Variants in LAMB2 observed in about 807,000 individuals in gnomAD.
LAMB2 encodes laminin subunit beta-2.
LAMB2 carries 119 observed loss-of-function variants against 202.7 expected under a neutral mutation model. The observed-to-expected ratio is 0.59, with a 90% CI of 0.51 to 0.68. LAMB2 has a LOEUF of 0.68. LAMB2 is among the 30% of genes least tolerant of loss of function. The pLI, the probability that LAMB2 is intolerant of heterozygous loss-of-function variation, is 0.00. For missense variants in LAMB2, 2,124 were observed against 2,410.6 expected (o/e 0.88, Z 2.49); for synonymous variants, 818 against 902.2 (o/e 0.91, Z 1.67).
chr3:49,122,189 C>T lies in LAMB2; in HGVS notation c.4755G>A (p.Gln1585=), dbSNP rs2045309996. The T allele has an allele frequency of 4.3e-6, 7 of 1,613,410 alleles. No individual in the cohort carries two copies. The Admixed American group carries it at 8.3e-5, about 19-fold the overall frequency. Residue 1585 remains glutamine (Q), a synonymous_variant, in exon 28 of 32, where the codon CAG becomes CAA. Transcript: ENST00000305544. ...TTGCCCGCCGTGCATCCTGCAGTAG[C>T]TGCTCGGCACGACGCACATCTCCTA... is the stretch of plus-strand genomic sequence containing the variant. ...RTVGDVRRAE[Q]LLQDARRARS...
At chr3:49,121,892 C>A in intron 29 of LAMB2, 32 bp from the exon 30 acceptor site, 1 of 1,613,664 alleles carries the variant, frequency 6.2e-7, no homozygotes. Flanking sequence ...TTACACAGAT[C>A]TACGGTTCAT....
rs771880479 is a variant in LAMB2, at chr3:49,132,856, G to A, written c.12C>T (p.Thr4=). 3 of 1,614,090 alleles carry A rather than the reference G, an allele frequency of 1.9e-6. No individual in the cohort carries two copies. The highest frequency in any genetic ancestry group is 2.5e-6 in the Non-Finnish European group (3 of 1,179,998). The change falls in exon 1 of 32, where the codon ACC becomes ACT. Residue 4 remains threonine (T), a synonymous_variant. Transcript: ENST00000305544. This position sits in a 1 kb window ranked among gnomAD's most constrained non-coding sequence, Gnocchi z 4.6. ...GCTGTCCCCTCCCTCTTTCCCTTGA[G>A]GTCAGCTCCATCCTGAAGAGGGGAA... The part of the protein sequence containing the change: MEL[T]SRERGRGQPL...
In LAMB2 at chr3:49,130,634, G is replaced by T; in HGVS notation, c.1036+106C>A. ...GGGCATCAAGGTCTGCATACTCTTT[G>T]GATACAGCCTGGGTTTTAGGGGCTT... is the stretch of plus-strand genomic sequence containing the variant. On this transcript the variant is annotated intron_variant, in intron 8 of 31. Transcript: ENST00000305544. This position sits in a 1 kb window ranked among gnomAD's most constrained non-coding sequence, Gnocchi z 5.0. 1.3e-6 allele frequency: 2 copies of T among 1,551,702 alleles called. No homozygotes were observed. The highest frequency in any genetic ancestry group is 1.8e-6 in the Non-Finnish European group (2 of 1,133,046).
Position 49,132,454 on chromosome 3 carries a change from A to G in LAMB2, c.249+37T>C, listed in dbSNP as rs1292485811. ...CAGTGCCTCAGGCAGTGCCAGCCCC[A>G]CCCTGACTCGGCGTCACACCCTGTC... On this transcript the variant is annotated intron_variant, in intron 2 of 31. Coordinates refer to ENST00000305544, the MANE Select transcript of LAMB2 (RefSeq NM_002292.4). This position sits in a 1 kb window ranked among gnomAD's most constrained non-coding sequence, Gnocchi z 4.6. 6.2e-7 allele frequency: 1 copy of G among 1,614,044 alleles called. No homozygotes were observed. The highest frequency in any genetic ancestry group is 1.1e-5 in the South Asian group (1 of 91,086).
chr3:49,124,084 A>C lies in LAMB2; in HGVS notation c.3441T>G (p.Ser1147=), dbSNP rs1323520769. The C allele has an allele frequency of 1.2e-6, 2 of 1,613,920 alleles. No individual in the cohort carries two copies. Among genetic ancestry groups the C allele is most frequent in the African/African-American group, 2.7e-5 (2 of 74,922 alleles). Residue 1147 remains serine (S), a synonymous_variant, in exon 24 of 32, where the codon TCT becomes TCG. Transcript: ENST00000305544. ...GLQCHACDCD[S]RGIDTPQCHR... ...GACACTGAGGTGTATCTATTCCACG[A>C]GAGTCACAATCACAGGCTGCAAGAA... is the stretch of plus-strand genomic sequence containing the variant.
At position 49,125,359 on chromosome 3, in the gene LAMB2, G is replaced by C. The variant is rs748986423; in HGVS notation, c.2614C>G (p.Pro872Ala). 1 of 1,614,048 alleles carries C rather than the reference G, an allele frequency of 6.2e-7. No homozygotes were observed. The highest frequency in any genetic ancestry group is 1.7e-5 in the Admixed American group (1 of 60,026). Residue 872 changes from proline to alanine, a missense_variant, in exon 19 of 32, where the codon CCT becomes GCT. This residue lies in a region of LAMB2 where 1,702 missense variants were observed against 1,896.3 expected (regional missense o/e 0.90). Coordinates refer to ENST00000305544, the MANE Select transcript of LAMB2 (RefSeq NM_002292.4). ...TTGCAGACACATGGCCGGCAGCTAG[G>C]GAATCCCCACTGGCCACGCTGGCAG... is the stretch of plus-strand genomic sequence containing the variant. ...DRCQRGQWGF[P>A]SCRPCVCNGH...
At position 49,128,505 on chromosome 3, in the gene LAMB2, C is replaced by T. The variant is rs777566654; in HGVS notation, c.1971G>A (p.Leu657=). ...PVPAHSLCGH[L]VPKDDRIQGT... ...CTTGGATGCGATCATCCTTGGGCAC[C>T]AAATGCCCACACAGGCTGTGGGCAG... Residue 657 remains leucine, a synonymous_variant, in exon 15 of 32, where the codon TTG becomes TTA. Transcript: ENST00000305544. The T allele has an allele frequency of 8.7e-6, 14 of 1,614,052 alleles. No homozygotes were observed. In the South Asian group the frequency reaches 1.5e-4, roughly 18 times the overall value.
chr3:49,131,137 G>C lies in LAMB2; in HGVS notation c.728C>G (p.Thr243Ser). ...ACGAGTCAGGTTCACCCGTAGGTTG[G>C]TGATCTTCAACAGGTCTGAGGCGGG... ...SSRIQNLLKITNLRVNLTRLH... is the reference protein window; with the variant it reads ...SSRIQNLLKISNLRVNLTRLH... The change falls in exon 7 of 32, where the codon ACC becomes AGC. Residue 243 changes from threonine (T) to serine (S), a missense_variant. Around this residue, in one of 3 missense-constraint regions of LAMB2, gnomAD observed 256 missense variants for 356.1 expected, o/e 0.72. Coordinates refer to ENST00000305544, the MANE Select transcript of LAMB2 (RefSeq NM_002292.4). The surrounding 1 kb of genome is among the most constrained non-coding windows in gnomAD (Gnocchi z 5.0). 6.2e-7 allele frequency: 1 copy of C among 1,613,142 alleles called. No individual in the cohort carries two copies. Among genetic ancestry groups the C allele is most frequent in the Non-Finnish European group, 8.5e-7 (1 of 1,179,884 alleles).
rs762099988 is a variant in LAMB2, at chr3:49,132,112, G to T, written c.459+4C>A. On this transcript the variant is annotated splice_donor_region_variant and intron_variant, in intron 4 of 31. Coordinates refer to ENST00000305544, the MANE Select transcript of LAMB2 (RefSeq NM_002292.4). The surrounding 1 kb of genome is among the most constrained non-coding windows in gnomAD (Gnocchi z 4.6). ...TTCGGGCAGGCTCCCAGATATGCAG[G>T]CACCTTGAAGGTCATAATGAGGTGT... 6.2e-7 allele frequency: 1 copy of T among 1,613,742 alleles called. No homozygotes were observed. The highest frequency in any genetic ancestry group is 8.5e-7 in the Non-Finnish European group (1 of 1,179,692).
At position 49,132,806 on chromosome 3, in the gene LAMB2, C is replaced by T; in HGVS notation, c.62G>A (p.Gly21Asp). ...GGCCCTCTCACCGCTTAGCAGTAGG[C>T]CCAGTCGAAGTTCCCAGGGCAGAGG... ...GQPLPWELRL[G>D]LLLSVLAATL... Residue 21 changes from glycine to aspartate, a missense_variant, in exon 1 of 32, where the codon GGC becomes GAC. By Grantham distance (94) the Gly-to-Asp change is moderately conservative. Coordinates refer to ENST00000305544, the MANE Select transcript of LAMB2 (RefSeq NM_002292.4). The surrounding 1 kb of genome is among the most constrained non-coding windows in gnomAD (Gnocchi z 4.6). 1 of 1,614,200 alleles carries T rather than the reference C, an allele frequency of 6.2e-7. No homozygotes were observed. The highest frequency in any genetic ancestry group is 8.5e-7 in the Non-Finnish European group (1 of 1,180,032).
At chr3:49,126,959 T>A (rs2107640971) in intron 15 of LAMB2, among the ~76,000 whole-genome samples, 1 of 152,248 alleles carries the variant, frequency 6.6e-6, no homozygotes, top group African/African-American at 2.4e-5. Context: ...CAATCCCTCA[T>A]CTTTTTTCTT....
rs764128779 is a variant in LAMB2 at position 49,121,763 on chromosome 3, C to T, written c.5021G>A (p.Arg1674Gln). ...AGAGGCTGCCAGACTATTTCCTGCC[C>T]GTTTCAATTTCAGAGCCTCCAGGAG... The part of the protein sequence containing the change: ...DALLEALKLK[R>Q]AGNSLAASTA... The change falls in exon 30 of 32, where the codon CGG (arginine) becomes CAG (glutamine). Residue 1674 changes from arginine (R) to glutamine (Q), a missense_variant. Transcript: ENST00000305544. 109 of 1,613,554 alleles carry T rather than the reference C, an allele frequency of 6.8e-5. No individual in the cohort carries two copies. The highest frequency in any genetic ancestry group is 1.6e-4 in the Middle Eastern group (1 of 6,084).
In LAMB2 at chr3:49,132,806, C is replaced by A; in HGVS notation, c.62G>T (p.Gly21Val). Residue 21 changes from glycine to valine, a missense_variant, in exon 1 of 32, where the codon GGC becomes GTC. By Grantham distance (109) the Gly-to-Val change is moderately radical. Transcript: ENST00000305544. This position sits in a 1 kb window ranked among gnomAD's most constrained non-coding sequence, Gnocchi z 4.6. ...GGCCCTCTCACCGCTTAGCAGTAGG[C>A]CCAGTCGAAGTTCCCAGGGCAGAGG... The part of the protein sequence containing the change: ...GQPLPWELRL[G>V]LLLSVLAATL... 6.2e-7 allele frequency: 1 copy of A among 1,614,200 alleles called. No individual in the cohort carries two copies. The highest frequency in any genetic ancestry group is 8.5e-7 in the Non-Finnish European group (1 of 1,180,032).
Position 49,123,025 on chromosome 3 carries a change from A to G in LAMB2, c.4252T>C (p.Cys1418Arg), listed in dbSNP as rs750173116. 4 of 1,608,136 alleles carry G rather than the reference A, an allele frequency of 2.5e-6. No individual in the cohort carries two copies. The highest frequency in any genetic ancestry group is 2.7e-5 in the African/African-American group (2 of 74,930). Residue 1418 changes from cysteine (C) to arginine (R), a missense_variant, in exon 27 of 32, where the codon TGT (cysteine) becomes CGT (arginine). Cys to Arg is a radical substitution (Grantham distance 180). This residue lies in a region of LAMB2 where 1,702 missense variants were observed against 1,896.3 expected (regional missense o/e 0.90). Transcript: ENST00000305544. ...LVCGAPGDAP[C>R]ATSPCGGAGC... is the part of the protein sequence containing the mutation. ...GCACCCCCACAAGGGCTTGTAGCAC[A>G]GGGTGCATCCCCTGGTGCCCCACAC...
Position 49,124,069 on chromosome 3 carries a change from T to G in LAMB2, c.3456A>C (p.Thr1152=), listed in dbSNP as rs1167965175. 1 of 1,613,832 alleles carries G rather than the reference T, an allele frequency of 6.2e-7. No homozygotes were observed. Among genetic ancestry groups the G allele is most frequent in the South Asian group, 1.1e-5 (1 of 91,058 alleles). Residue 1152 remains threonine (T), a synonymous_variant, in exon 24 of 32, where the codon ACA becomes ACC. Coordinates refer to ENST00000305544, the MANE Select transcript of LAMB2 (RefSeq NM_002292.4). Reference sequence around the variant, plus strand: ...GACCTGTGAAGCGGTGACACTGAGGTGTATCTATTCCACGAGAGTCACAAT... The same window carrying G: ...GACCTGTGAAGCGGTGACACTGAGGGGTATCTATTCCACGAGAGTCACAAT... ...ACDCDSRGID[T]PQCHRFTGHC...
At chr3:49,126,291 C>T (rs2045414097) in intron 16 of LAMB2, 74 bp downstream of exon 16, 1 of 1,610,708 alleles carries the variant, frequency 6.2e-7, no homozygotes, top group Non-Finnish European at 8.5e-7. Context: ...CTGCCACAGA[C>T]CCCTGCTATC....
At position 49,132,187 on chromosome 3, in the gene LAMB2, T is replaced by C. The variant is rs755250414; in HGVS notation, c.388A>G (p.Ile130Val). The C allele has an allele frequency of 6.2e-7, 1 of 1,614,146 alleles. No homozygotes were observed. Among genetic ancestry groups the C allele is most frequent in the Non-Finnish European group, 8.5e-7 (1 of 1,180,020 alleles). The change falls in exon 4 of 32, where the codon ATC becomes GTC. Residue 130 changes from isoleucine (I) to valine (V), a missense_variant and splice_region_variant. Physicochemically the swap from Ile to Val is conservative, Grantham distance 29. Coordinates refer to ENST00000305544, the MANE Select transcript of LAMB2 (RefSeq NM_002292.4). The surrounding 1 kb of genome is among the most constrained non-coding windows in gnomAD (Gnocchi z 4.6). ...TCCAGCTGGATGGTGACCGCAGGGA[T>C]ACCTGGGACAGGAATCGGAAGTCAA... ...RAAWWQSENG[I>V]PAVTIQLDLE...
In LAMB2 at chr3:49,123,524, C is replaced by T. The variant is rs377447389; in HGVS notation, c.3905G>A (p.Arg1302Gln). Residue 1302 changes from arginine to glutamine, a missense_variant, in exon 25 of 32, where the codon CGA (arginine) becomes CAA (glutamine). Coordinates refer to ENST00000305544, the MANE Select transcript of LAMB2 (RefSeq NM_002292.4). Reference sequence around the variant, plus strand: ...TGTGAGATTAAGTGCAAGCCTATCTCGCTCCAGACCACTTAGTGCATGGTT... The same window carrying T: ...TGTGAGATTAAGTGCAAGCCTATCTTGCTCCAGACCACTTAGTGCATGGTT... ...NANHALSGLE[R>Q]DRLALNLTLR... The T allele has an allele frequency of 1.2e-6, 2 of 1,614,078 alleles. No homozygotes were observed. The highest frequency in any genetic ancestry group is 1.3e-5 in the African/African-American group (1 of 74,938).
At position 49,129,268 on chromosome 3, in the gene LAMB2, G is replaced by T; in HGVS notation, c.1575C>A (p.Asp525Glu). Residue 525 changes from aspartate (D) to glutamate (E), a missense_variant, in exon 12 of 32, where the codon GAC becomes GAA. By Grantham distance (45) the Asp-to-Glu change is conservative (BLOSUM62 2). Transcript: ENST00000305544. This position sits in a 1 kb window ranked among gnomAD's most constrained non-coding sequence, Gnocchi z 6.1. The stretch of plus-strand genomic sequence containing the variant: ...ACTGGGGATCCAAAGCACCACCCAC[G>T]TCGCAGTCACAGGGGCGGCAGCCGA... ...DLLGCRPCDC[D>E]VGGALDPQCD... 1 of 1,613,856 alleles carries T rather than the reference G, an allele frequency of 6.2e-7. No homozygotes were observed. The highest frequency in any genetic ancestry group is 2.2e-5 in the East Asian group (1 of 44,882).
Sources: allele counts gnomAD v4.1 joint callset (sites outside exome capture counted in the v4.1 genomes callset), GRCh38; gene constraint gnomAD v4.1.1; regional missense constraint gnomAD v4.1.1; non-coding constraint Gnocchi (gnomAD v3.1); transcripts MANE v1.5; gene names NCBI Gene and HGNC (gene_info 2026-07-23, HGNC 2026-07-21).